VPS11: variants seen among roughly 807,000 people sequenced by gnomAD.
VPS11 encodes vacuolar protein sorting-associated protein 11 homolog.
In VPS11, 51 loss-of-function variants were observed where a neutral mutation model predicts 106.8. The observed-to-expected ratio is 0.48, with a 90% CI of 0.38 to 0.60. VPS11 has a LOEUF of 0.60. VPS11 is among the 20% of genes least tolerant of loss of function. VPS11 has a pLI of 0.00. For missense variants in VPS11, 950 were observed against 1,190.0 expected, an observed-to-expected ratio of 0.80 and a Z score of 2.97; for synonymous variants, 453 against 458.7, an observed-to-expected ratio of 0.99 and a Z score of 0.16.
intron 3 of VPS11, 52 bp from the exon 4 acceptor site, chr11:119,070,182 C>T (rs1945321852): frequency 2.6e-6 from 4 of 1,547,310 alleles, no homozygotes; most frequent in Non-Finnish European, 3.5e-6. Context: ...TTCCCCTCTC[C>T]ACTTCCTGAT....
rs1375615911 is a variant in VPS11, at chr11:119,078,930, C to T, written c.2199C>T (p.Asp733=). ...GCTACTTCGCTCGCAAGGAGGAGGA[C>T]TGCAAGGAGTATGTGGCAGCTGTCC... is the stretch of plus-strand genomic sequence containing the variant. ...ALSYFARKEE[D]CKEYVAAVLK... is the part of the protein sequence containing the mutation. The change falls in exon 13 of 16, where the codon GAC becomes GAT. Residue 733 remains aspartate, a synonymous_variant. Coordinates refer to ENST00000621676, the MANE Select transcript of VPS11 (RefSeq NM_021729.6). The T allele has an allele frequency of 6.2e-7, 1 of 1,614,036 alleles. No homozygotes were observed. Among genetic ancestry groups the T allele is most frequent in the East Asian group, 2.2e-5 (1 of 44,876 alleles).
intron 8 of VPS11, 80 bp downstream of exon 8, chr11:119,077,163 C>G (rs1031180221): frequency 2.6e-6 from 4 of 1,518,478 alleles, no homozygotes; most frequent in Non-Finnish European, 3.6e-6. Flanking sequence ...TTCGTTTCAG[C>G]AAGACATAGG....
intron 5 of VPS11, 63 bp downstream of exon 5, chr11:119,071,906 T>G: frequency 6.4e-7 from 1 of 1,567,860 alleles, no homozygotes; most frequent in Non-Finnish European, 8.7e-7. Context: ...TCCGCCTGAT[T>G]TTAAAATCCT....
At position 119,077,030 on chromosome 11, in the gene VPS11, C is replaced by T. The variant is rs1251476542; in HGVS notation, c.1372C>T (p.Leu458Phe). Residue 458 changes from leucine to phenylalanine, a missense_variant, in exon 8 of 16, where the codon CTC (leucine) becomes TTC (phenylalanine). Physicochemically the swap from Leu to Phe is conservative, Grantham distance 22. This residue lies in a region of VPS11 where 435 missense variants were observed against 630.2 expected (regional missense o/e 0.69). Coordinates refer to ENST00000621676, the MANE Select transcript of VPS11 (RefSeq NM_021729.6). The part of the protein sequence containing the change: ...LANADHTTLL[L>F]NCYTKLKDSS... ...CAATGCCGACCATACCACCCTGCTC[C>T]TCAACTGCTATACCAAGCTCAAGGA... 1.2e-6 allele frequency: 2 copies of T among 1,613,708 alleles called. No homozygotes were observed. The highest frequency in any genetic ancestry group is 8.5e-7 in the Non-Finnish European group (1 of 1,179,824).
chr11:119,078,384 A>G (rs781791507), intron 11 of VPS11, 50 bp downstream of exon 11: 4 of 1,594,282 alleles, frequency 2.5e-6, no homozygotes, highest in African/African-American at 2.7e-5. Context: ...TGCCGTCTCC[A>G]TTCTTCCGTC....
rs1234222644 is a variant in VPS11, at chr11:119,079,252, G to A, written c.2390G>A (p.Arg797Gln). The A allele has an allele frequency of 5.6e-5, 90 of 1,606,768 alleles. No individual in the cohort carries two copies. Among genetic ancestry groups the A allele is most frequent in the Non-Finnish European group, 7.1e-5 (83 of 1,176,648 alleles). Residue 797 changes from arginine to glutamine, a missense_variant, in exon 14 of 16, where the codon CGA (arginine) becomes CAA (glutamine). Transcript: ENST00000621676. ...GATGAGCTGCGGGTGCGGCGGTACC[G>A]AGAGGAGACCACCCGTATCCGCCAG... ...AQDELRVRRY[R>Q]EETTRIRQEI...
At chr11:119,075,504 A>T (rs1945571781) in intron 7 of VPS11, among the ~76,000 whole-genome samples, 1 of 150,136 alleles carries the variant, frequency 6.7e-6, no homozygotes, top group African/African-American at 2.4e-5. Context: ...TAGGAGTTTG[A>T]GACCAGCCTG....
chr11:119,072,012 C>G (rs1203022772), intron 5 of VPS11, 169 bp downstream of exon 5: 1 of 891,580 alleles, frequency 1.1e-6, no homozygotes, highest in Non-Finnish European at 1.6e-6. Context: ...GCTCTGTCAC[C>G]CAGGAGTGCA....
At position 119,078,081 on chromosome 11, in the gene VPS11, A is replaced by G. The variant is rs1359231725; in HGVS notation, c.1761+15A>G. ...CAGGCTGCAGGGTGAGGCTGCAGGG[A>G]AAAGAGCTTCAGACTGTGGGGATCA... On this transcript the variant is annotated intron_variant, in intron 10 of 15. Coordinates refer to ENST00000621676, the MANE Select transcript of VPS11 (RefSeq NM_021729.6). 6.2e-7 allele frequency: 1 copy of G among 1,609,658 alleles called. No individual in the cohort carries two copies. Among genetic ancestry groups the G allele is most frequent in the African/African-American group, 1.3e-5 (1 of 75,040 alleles).
In VPS11 at chr11:119,070,318, A is replaced by G; in HGVS notation, c.557A>G (p.Asn186Ser). ...AAGACCCAGATTTTGCACAAGGGCA[A>G]CTATCCTGTAACTGGATTGGCCTTT... ...HSKTQILHKG[N>S]YPVTGLAFRQ... The change falls in exon 4 of 16, where the codon AAC becomes AGC. Residue 186 changes from asparagine to serine, a missense_variant. Transcript: ENST00000621676. 1 of 1,613,366 alleles carries G rather than the reference A, an allele frequency of 6.2e-7. No homozygotes were observed. The highest frequency in any genetic ancestry group is 8.5e-7 in the Non-Finnish European group (1 of 1,179,610).
At chr11:119,073,154 G>C in intron 5 of VPS11, 44 bp from the exon 6 acceptor site, 5 of 1,572,680 alleles carry the variant, frequency 3.2e-6, no homozygotes, top group Non-Finnish European at 4.3e-6. Context: ...GGGGAGATAA[G>C]ACAGAGATGT....
intron 14 of VPS11, among the ~76,000 whole-genome samples, chr11:119,080,368 A>T (rs111821169): frequency 0.04 from 5,930 of 147,472 alleles, 410 homozygotes; most frequent in African/African-American, 0.14. Context: ...AAATAGGCAA[A>T]TTTTTTTTTT....
chr11:119,071,935 A>T, intron 5 of VPS11, 92 bp downstream of exon 5: 1 of 1,492,580 alleles, frequency 6.7e-7, no homozygotes, highest in Non-Finnish European at 9.1e-7. Flanking sequence ...GATACTGCCA[A>T]TCTCCTACTC....
chr11:119,077,210 G>A, intron 8 of VPS11, 127 bp downstream of exon 8: 1 of 1,186,138 alleles, frequency 8.4e-7, no homozygotes. Context: ...AGGAGTGGCT[G>A]TTCCTGTTAG....
intron 7 of VPS11, among the ~76,000 whole-genome samples, chr11:119,074,173 C>T (rs1236196563): frequency 1.3e-5 from 2 of 152,156 alleles, no homozygotes; most frequent in African/African-American, 4.8e-5. Context: ...GCAACCTTCC[C>T]TCCTGGGTTC....
At chr11:119,080,600 G>A (rs1036262602) in intron 14 of VPS11, among the ~76,000 whole-genome samples, 10 of 149,656 alleles carry the variant, frequency 6.7e-5, no homozygotes, top group African/African-American at 2.2e-4. Context: ...AACTCCTGAC[G>A]TCAGGTGATC....
chr11:119,074,052 A>G, intron 7 of VPS11, 101 bp downstream of exon 7: 1 of 1,360,018 alleles, frequency 7.4e-7, no homozygotes, highest in South Asian at 1.6e-5. Flanking sequence ...GAATTCTACC[A>G]GGAACTGTTT....
chr11:119,075,513 T>C (rs1945572139), intron 7 of VPS11, among the ~76,000 whole-genome samples: 2 of 143,388 alleles, frequency 1.4e-5, no homozygotes. Flanking sequence ...GAGACCAGCC[T>C]GGCCAACATG....
In VPS11 at chr11:119,077,022, C is replaced by T; in HGVS notation, c.1364C>T (p.Thr455Ile). 6.2e-7 allele frequency: 1 copy of T among 1,613,860 alleles called. No individual in the cohort carries two copies. Among genetic ancestry groups the T allele is most frequent in the Non-Finnish European group, 8.5e-7 (1 of 1,179,834 alleles). Reference sequence around the variant, plus strand: ...TCCCTGGCCAATGCCGACCATACCACCCTGCTCCTCAACTGCTATACCAAG... The same window carrying T: ...TCCCTGGCCAATGCCGACCATACCATCCTGCTCCTCAACTGCTATACCAAG... ...RQSLANADHTTLLLNCYTKLK... is the reference protein window; with the variant it reads ...RQSLANADHTILLLNCYTKLK... The change falls in exon 8 of 16, where the codon ACC becomes ATC. Residue 455 changes from threonine (T) to isoleucine (I), a missense_variant. Physicochemically the swap from Thr to Ile is moderately conservative, Grantham distance 89. This residue lies in a region of VPS11 where 435 missense variants were observed against 630.2 expected (regional missense o/e 0.69). Coordinates refer to ENST00000621676, the MANE Select transcript of VPS11 (RefSeq NM_021729.6).
Sources: allele counts gnomAD v4.1 joint callset (sites outside exome capture counted in the v4.1 genomes callset), GRCh38; gene constraint gnomAD v4.1.1; regional missense constraint gnomAD v4.1.1; transcripts MANE v1.5; gene names NCBI Gene and HGNC (gene_info 2026-07-23, HGNC 2026-07-21).